Variants in FAAH2 observed in about 807,000 individuals in gnomAD.
FAAH2 encodes fatty acid amide hydrolase 2, also known as fatty-acid amide hydrolase 2.
In FAAH2, 60 loss-of-function variants were observed where a neutral mutation model predicts 36.9. The observed-to-expected ratio is 1.63, with a 90% CI of 1.32 to 2.02. FAAH2 has a LOEUF of 2.02. Among genes scored for constraint, FAAH2 ranks in the 30% most tolerant of loss-of-function variants. The pLI is 0.00. For missense variants in FAAH2, 689 were observed against 397.5 expected (o/e 1.73, Z -6.23); for synonymous variants, 214 against 143.8 (o/e 1.49, Z -3.49).
chrX:57,246,799 G>A, the FAAH2 span, among the ~76,000 whole-genome samples: 1 of 111,327 alleles, frequency 9.0e-6, no homozygotes, highest in Non-Finnish European at 1.9e-5. Context: ...AAAAATAATT[G>A]TGGGTTGGTG....
chrX:57,447,914 A>T (rs887739535), intron 9 of FAAH2, among the ~76,000 whole-genome samples: 3 of 112,348 alleles, frequency 2.7e-5, no homozygotes, highest in African/African-American at 9.7e-5. Context: ...AAATTTCTGC[A>T]GCCGGCTTGA....
At chrX:57,229,230 CA>C in the FAAH2 span, 1 of 112,190 alleles carries the variant, frequency 8.9e-6, no homozygotes, top group Admixed American at 9.4e-5. Context: ...CTGCATTTAT[CA>C]AAAGCCTCAT....
chrX:57,311,757 G>A (rs1478699673), intron 3 of FAAH2, among the ~76,000 whole-genome samples: 2 of 112,235 alleles, frequency 1.8e-5, no homozygotes, highest in Non-Finnish European at 3.8e-5. Flanking sequence ...AACAGCCCCT[G>A]CAGCCCAACC....
intron 7 of FAAH2, among the ~76,000 whole-genome samples, chrX:57,417,924 C>T (rs745879462): frequency 8.9e-6 from 1 of 111,990 alleles, no homozygotes; most frequent in East Asian, 2.8e-4. Flanking sequence ...CAGAGATGCC[C>T]TTCCAAGTGA....
intron 7 of FAAH2, among the ~76,000 whole-genome samples, chrX:57,420,913 G>A (rs1243753967): frequency 8.9e-6 from 1 of 111,998 alleles, no homozygotes; most frequent in Non-Finnish European, 1.9e-5. Context: ...CTAATTCATT[G>A]AGAGTTTTTA....
chrX:57,429,223 C>T (rs937330819), intron 7 of FAAH2, among the ~76,000 whole-genome samples: 1 of 108,469 alleles, frequency 9.2e-6, no homozygotes, highest in African/African-American at 3.4e-5. Flanking sequence ...CCTGTAGTCC[C>T]AGCTACTTGG....
intron 7 of FAAH2, among the ~76,000 whole-genome samples, chrX:57,395,977 C>A (rs1172553484): frequency 9.0e-6 from 1 of 111,210 alleles, no homozygotes; most frequent in Non-Finnish European, 1.9e-5. Flanking sequence ...TGGTCCTGGG[C>A]CATTTTTGTT....
At chrX:57,252,910 T>C in the FAAH2 span, among the ~76,000 whole-genome samples, 1 of 112,208 alleles carries the variant, frequency 8.9e-6, no homozygotes, top group Non-Finnish European at 1.9e-5. Flanking sequence ...GGATGGAGAA[T>C]GAGTTTGACA....
the FAAH2 span, among the ~76,000 whole-genome samples, chrX:57,130,279 G>A: frequency 1.8e-5 from 2 of 112,545 alleles, no homozygotes; most frequent in African/African-American, 3.2e-5. Context: ...ATTTTTAAAA[G>A]ATAGTTCGGG....
At chrX:57,479,563 G>C (rs745879498) in intron 10 of FAAH2, among the ~76,000 whole-genome samples, 76 of 111,348 alleles carry the variant, frequency 6.8e-4, no homozygotes, top group African/African-American at 2.4e-3. Context: ...TCCCTGTCTT[G>C]TGCCAGTTTT....
chrX:57,487,830 T>C (rs1210262285), intron 10 of FAAH2, among the ~76,000 whole-genome samples: 4 of 111,979 alleles, frequency 3.6e-5, no homozygotes, highest in African/African-American at 1.3e-4. Flanking sequence ...CATAAACAAA[T>C]GTGTAATTAT....
chrX:57,255,377 A>G, the FAAH2 span, among the ~76,000 whole-genome samples: 7,929 of 111,617 alleles, frequency 0.071, 700 homozygotes, highest in African/African-American at 0.25. Flanking sequence ...TTCTTCTGAA[A>G]CTCTTCTGAT....
chrX:57,469,408 A>T (rs1296556473), intron 10 of FAAH2, among the ~76,000 whole-genome samples: 2 of 111,746 alleles, frequency 1.8e-5, no homozygotes, highest in Non-Finnish European at 3.8e-5. Context: ...AGGAAGATCT[A>T]CCAAGCAAAT....
chrX:57,189,395 A>G, the FAAH2 span, among the ~76,000 whole-genome samples: 2 of 110,092 alleles, frequency 1.8e-5, no homozygotes, highest in Non-Finnish European at 3.8e-5. Flanking sequence ...CTTTCAATTC[A>G]TCAAACTCAT....
At chrX:57,428,424 G>T (rs932494220) in intron 7 of FAAH2, among the ~76,000 whole-genome samples, 12 of 111,657 alleles carry the variant, frequency 1.1e-4, no homozygotes, top group Admixed American at 1.0e-3. Flanking sequence ...AAAAGAGCTT[G>T]CATAGCCAAA....
intron 10 of FAAH2, among the ~76,000 whole-genome samples, chrX:57,469,550 T>C (rs777247033): frequency 5.4e-5 from 6 of 112,125 alleles, no homozygotes; most frequent in Non-Finnish European, 1.1e-4. Context: ...AAGAGCTAAC[T>C]ATCCTAAATA....
intron 7 of FAAH2, among the ~76,000 whole-genome samples, chrX:57,403,092 G>A (rs1046980947): frequency 8.9e-6 from 1 of 111,870 alleles, no homozygotes; most frequent in Non-Finnish European, 1.9e-5. Context: ...ATTATAATTT[G>A]CTTCAAGTCT....
chrX:57,345,689 A>G (rs2053803076), intron 5 of FAAH2, among the ~76,000 whole-genome samples: 1 of 110,917 alleles, frequency 9.0e-6, no homozygotes, highest in South Asian at 3.7e-4. Flanking sequence ...ATTGCAATTT[A>G]TTTTCTAGTT....
At chrX:57,180,643 A>T in the FAAH2 span, among the ~76,000 whole-genome samples, 1 of 111,230 alleles carries the variant, frequency 9.0e-6, no homozygotes, top group African/African-American at 3.3e-5. Context: ...CAACCAAACA[A>T]CAACAACAAC....
Sources: allele counts gnomAD v4.1 joint callset (sites outside exome capture counted in the v4.1 genomes callset), GRCh38; gene constraint gnomAD v4.1.1; transcripts MANE v1.5; gene names NCBI Gene and HGNC (gene_info 2026-07-23, HGNC 2026-07-21).